The following SPATA6L variants were observed in gnomAD, a reference collection of about 807,000 sequenced individuals.
SPATA6L encodes spermatogenesis associated 6-like protein.
A neutral mutation model predicts 49.2 loss-of-function variants in SPATA6L; 68 were observed. The observed-to-expected ratio is 1.38, with a 90% CI of 1.14 to 1.69. The LOEUF (loss-of-function observed/expected upper bound fraction) is 1.69. Among genes scored for constraint, SPATA6L ranks in the 40% most tolerant of loss-of-function variants. SPATA6L has a pLI of 0.00. For synonymous variants in SPATA6L, 198 were observed against 165.7 expected, an observed-to-expected ratio of 1.19 and a Z score of -1.50; for missense variants, 668 against 464.3, an observed-to-expected ratio of 1.44 and a Z score of -4.03.
At chr9:4,629,589 A>C (rs1831058853) in intron 4 of SPATA6L, among the ~76,000 whole-genome samples, 1 of 152,030 alleles carries the variant, frequency 6.6e-6, no homozygotes, top group South Asian at 2.1e-4. Flanking sequence ...AGGTATGAAT[A>C]CAGAGCCTTC....
downstream of SPATA6L, among the ~76,000 whole-genome samples, chr9:4,597,305 AAAAG>A (rs1397069524): frequency 6.6e-4 from 98 of 148,576 alleles, no homozygotes; most frequent in African/African-American, 2.4e-3. Flanking sequence ...TATATATAAA[AAAAG>A]AAAACAAAAT....
At position 4,606,713 on chromosome 9, in the gene SPATA6L, T is replaced by G. The variant is rs570520688; in HGVS notation, c.996-1273A>C. ...TGGGGAAAAAACAGAACAGAAAAAC[T>G]GGAAACTCTAAAAAGCAGAGCGCCT... On this transcript the variant is annotated intron_variant, in intron 9 of 11. Transcript: ENST00000682582. Among the ~76,000 whole-genome samples, 74 of 139,166 alleles carry G rather than the reference T, an allele frequency of 5.3e-4. No individual in the cohort carries two copies. In the East Asian group the frequency reaches 7.1e-3, roughly 13 times the overall value. 91.3% of individuals were successfully genotyped at this position (139,166 alleles called of 152,430 possible).
At chr9:4,635,510 T>C in intron 3 of SPATA6L, 111 bp from the exon 4 acceptor site, 3 of 1,043,842 alleles carry the variant, frequency 2.9e-6, no homozygotes, top group Non-Finnish European at 4.0e-6. Context: ...AAAATAGACA[T>C]ATTGATCCTA....
At chr9:4,622,890 T>C (rs1358577656) in intron 6 of SPATA6L, among the ~76,000 whole-genome samples, 1 of 152,182 alleles carries the variant, frequency 6.6e-6, no homozygotes, top group African/African-American at 2.4e-5. Flanking sequence ...CTGGCCTAAA[T>C]GGGGTCCTCA....
intron 9 of SPATA6L, chr9:4,617,315 T>A (rs1332768263): frequency 6.6e-6 from 1 of 152,232 alleles, no homozygotes. Flanking sequence ...CCAACTGTCC[T>A]GGTTTGCCTA....
intron 1 of SPATA6L, chr9:4,664,804 G>C (rs966805838): frequency 1.8e-5 from 3 of 167,052 alleles, no homozygotes; most frequent in African/African-American, 7.2e-5. Flanking sequence ...TCAGAGTGAG[G>C]GGCATAGTGA....
downstream of SPATA6L, among the ~76,000 whole-genome samples, chr9:4,594,657 G>C (rs770992924): frequency 1.5e-4 from 23 of 152,154 alleles, no homozygotes; most frequent in Non-Finnish European, 2.8e-4. Context: ...TCTGCTCTGG[G>C]ATTCAGGTGG....
At chr9:4,644,685 TCACACACACACACA>T (rs59433051) in intron 3 of SPATA6L, among the ~76,000 whole-genome samples, 87 of 107,754 alleles carry the variant, frequency 8.1e-4, no homozygotes, top group South Asian at 1.2e-3. Flanking sequence ...TCTCTCTCTC[TCACACACACACACA>T]CACACACACA....
intron 7 of SPATA6L, among the ~76,000 whole-genome samples, chr9:4,620,800 G>T (rs1233011082): frequency 6.6e-6 from 1 of 152,180 alleles, no homozygotes; most frequent in Non-Finnish European, 1.5e-5. Flanking sequence ...TCGTAATAGA[G>T]CCTGCATTAA....
chr9:4,602,127 G>A (rs1823459408), intron 11 of SPATA6L, among the ~76,000 whole-genome samples: 1 of 148,586 alleles, frequency 6.7e-6, no homozygotes, highest in Middle Eastern at 3.2e-3. Flanking sequence ...TATTTTCCAA[G>A]AAAGAATTGA....
At chr9:4,663,060 C>A (rs1371076594) in intron 1 of SPATA6L, 1 of 1,614,010 alleles carries the variant, frequency 6.2e-7, no homozygotes, top group Non-Finnish European at 8.5e-7. Flanking sequence ...CCTGAACCAC[C>A]TGGTGCTGGC....
At chr9:4,607,176 C>A (rs1251954895) in intron 9 of SPATA6L, among the ~76,000 whole-genome samples, 1 of 152,040 alleles carries the variant, frequency 6.6e-6, no homozygotes, top group African/African-American at 2.4e-5. Context: ...GATTGGTATA[C>A]CTGAAAGTGA....
intron 7 of SPATA6L, among the ~76,000 whole-genome samples, chr9:4,620,338 G>A (rs777552058): frequency 1.1e-4 from 16 of 152,052 alleles, no homozygotes; most frequent in South Asian, 4.1e-4. Context: ...CCTTCCTACC[G>A]GTTTTGAGCC....
At chr9:4,646,452 A>C (rs1396910684) in intron 3 of SPATA6L, 1 of 1,454,132 alleles carries the variant, frequency 6.9e-7, no homozygotes, top group Non-Finnish European at 9.2e-7. Context: ...AAATCATATT[A>C]AGCTAATTTA....
At chr9:4,607,231 T>C (rs1210755523) in intron 9 of SPATA6L, among the ~76,000 whole-genome samples, 9 of 152,016 alleles carry the variant, frequency 5.9e-5, no homozygotes, top group Non-Finnish European at 1.3e-4. Context: ...CAGGATATTA[T>C]CCAGGAGAAC....
intron 9 of SPATA6L, among the ~76,000 whole-genome samples, chr9:4,609,227 A>G (rs1826064994): frequency 1.3e-5 from 2 of 151,366 alleles, no homozygotes; most frequent in Non-Finnish European, 3.0e-5. Context: ...ACAAGGAGGA[A>G]CTGGTACCAT....
intron 3 of SPATA6L, among the ~76,000 whole-genome samples, chr9:4,639,186 G>C (rs930774704): frequency 6.6e-6 from 1 of 152,130 alleles, no homozygotes; most frequent in Non-Finnish European, 1.5e-5. Context: ...CACCAGCCCA[G>C]CAGCGGCCCC....
At chr9:4,657,001 C>T (rs114955846) in intron 2 of SPATA6L, among the ~76,000 whole-genome samples, 14 of 151,980 alleles carry the variant, frequency 9.2e-5, no homozygotes, top group Admixed American at 4.6e-4. Context: ...TTAAGTGTAT[C>T]GTGAAGCACA....
chr9:4,617,984 A>G lies in SPATA6L; in HGVS notation c.934T>C (p.Phe312Leu). The G allele has an allele frequency of 6.2e-7, 1 of 1,614,092 alleles. No individual in the cohort carries two copies. The highest frequency in any genetic ancestry group is 8.5e-7 in the Non-Finnish European group (1 of 1,180,000). The change falls in exon 9 of 12, where the codon TTT becomes CTT. Residue 312 changes from phenylalanine to leucine, a missense_variant. Transcript: ENST00000682582. ...GAGGTGGAATGCTGGTAGGTGGCAAATGAAGCTTTCCCGTGGAAATCAGCA... is the reference window on the plus strand; with the variant it reads ...GAGGTGGAATGCTGGTAGGTGGCAAGTGAAGCTTTCCCGTGGAAATCAGCA... ...GDADFHGKAS[F>L]ATYQHSTSPG...
Sources: gnomAD v4.1 joint callset for allele counts (sites outside exome capture counted in the v4.1 genomes callset) on GRCh38, gnomAD v4.1.1 for gene constraint, MANE v1.5 for transcripts, NCBI Gene and HGNC (gene_info 2026-07-23, HGNC 2026-07-21) for gene names.